The following UNC5D variants were observed in gnomAD, a reference collection of about 807,000 sequenced individuals.
The protein encoded by UNC5D is netrin receptor UNC5D.
UNC5D carries 39 observed loss-of-function variants against 105.4 expected under a neutral mutation model. That is an observed-to-expected ratio of 0.37 (90% CI 0.29 to 0.48). UNC5D has a LOEUF of 0.48. Among genes scored for constraint, UNC5D ranks in the 20% least tolerant of loss-of-function variants. The probability of loss-of-function intolerance (pLI) is 0.98; values close to 1 mark genes in which losing one functional copy is unlikely to be tolerated. For synonymous variants in UNC5D, 452 were observed against 450.4 expected (o/e 1.00, Z -0.04); for missense variants, 991 against 1,202.4 (o/e 0.82, Z 2.60).
At chr8:35,790,283 C>A (rs563358665) in intron 16 of UNC5D, 76 bp from the exon 17 acceptor site, 40 of 1,462,032 alleles carry the variant, frequency 2.7e-5, no homozygotes, top group East Asian at 2.5e-4. Context: ...ATTTTTAATT[C>A]TCTTATGGTG....
At chr8:35,238,296 A>T (rs1563240576) in intron 1 of UNC5D, among the ~76,000 whole-genome samples, 1 of 152,032 alleles carries the variant, frequency 6.6e-6, no homozygotes, top group Non-Finnish European at 1.5e-5. Flanking sequence ...AATCAGAGGG[A>T]GATTTCAAAT....
chr8:35,419,344 G>T (rs1528720), intron 1 of UNC5D, among the ~76,000 whole-genome samples: 64,684 of 151,926 alleles, frequency 0.43, 13,906 homozygotes, highest in East Asian at 0.53. Context: ...TTCCCACTTG[G>T]CCAAGCAGGC....
In UNC5D at chr8:35,529,429, C is replaced by G. The variant is rs1297610823; in HGVS notation, c.104-19863C>G. 5.5e-3 allele frequency among the ~76,000 whole-genome samples: 817 copies of G among 149,818 alleles called. 8 individuals carry two copies. Among genetic ancestry groups the G allele is most frequent in the African/African-American group, 0.02 (785 of 39,930 alleles). On this transcript the variant is annotated intron_variant, in intron 1 of 16. Transcript: ENST00000404895. ...CTATATCTCTGTTTTGGTACCAGTA[C>G]TATGCTGTTTTGGTTACTGTAGACT...
intron 14 of UNC5D, among the ~76,000 whole-genome samples, chr8:35,765,227 G>A (rs1018251333): frequency 3.3e-5 from 5 of 152,184 alleles, no homozygotes; most frequent in African/African-American, 9.7e-5. Context: ...GTCAGAATGG[G>A]AATGTGAACT....
chr8:35,625,042 A>G (rs1226035910), intron 4 of UNC5D, among the ~76,000 whole-genome samples: 1 of 152,236 alleles, frequency 6.6e-6, no homozygotes, highest in Non-Finnish European at 1.5e-5. Flanking sequence ...CCAGTGGTCT[A>G]TGAACTTCAG....
intron 1 of UNC5D, among the ~76,000 whole-genome samples, chr8:35,341,071 T>C (rs564756956): frequency 1.3e-5 from 2 of 152,260 alleles, no homozygotes; most frequent in Admixed American, 6.5e-5. Context: ...CTATGATATT[T>C]ACCTGCTCCA....
At chr8:35,380,163 G>A (rs1295132333) in intron 1 of UNC5D, among the ~76,000 whole-genome samples, 1 of 147,456 alleles carries the variant, frequency 6.8e-6, no homozygotes, top group Non-Finnish European at 1.5e-5. Flanking sequence ...GAGAGGGAGA[G>A]ACAGAGACCA....
intron 1 of UNC5D, among the ~76,000 whole-genome samples, chr8:35,416,637 T>C (rs1244510362): frequency 1.3e-5 from 2 of 152,188 alleles, no homozygotes; most frequent in Non-Finnish European, 2.9e-5. Flanking sequence ...AGTGTTTGAC[T>C]TTGTGATATT....
chr8:35,565,035 T>C (rs1223280537), intron 2 of UNC5D, among the ~76,000 whole-genome samples: 1 of 152,174 alleles, frequency 6.6e-6, no homozygotes, highest in African/African-American at 2.4e-5. Context: ...CAATTATGAA[T>C]TGTAGTACAA....
At chr8:35,296,133 A>C (rs1463877071) in intron 1 of UNC5D, among the ~76,000 whole-genome samples, 3 of 152,226 alleles carry the variant, frequency 2.0e-5, no homozygotes. Context: ...ATGGAAGTAC[A>C]GATACCTCTT....
At chr8:35,495,917 T>G (rs1811555789) in intron 1 of UNC5D, among the ~76,000 whole-genome samples, 1 of 152,178 alleles carries the variant, frequency 6.6e-6, no homozygotes, top group Non-Finnish European at 1.5e-5. Flanking sequence ...AAAGATACAA[T>G]GCTGAAAAAA....
intron 1 of UNC5D, among the ~76,000 whole-genome samples, chr8:35,319,837 G>A (rs1024385351): frequency 2.6e-5 from 4 of 151,768 alleles, no homozygotes; most frequent in Admixed American, 2.6e-4. Context: ...ATTTGAGAAT[G>A]TGAGCCCCTT....
Position 35,725,989 on chromosome 8 carries a change from C to G in UNC5D, c.1304-163C>G, listed in dbSNP as rs941983073. ...AGCCAGGGCTCTTGATTCAAAAGTT[C>G]TAGTCACTAGCACCCAACCTGGCAG... On this transcript the variant is annotated intron_variant, in intron 9 of 16. Coordinates refer to ENST00000404895, the MANE Select transcript of UNC5D (RefSeq NM_080872.4). 1.6e-4 allele frequency among the ~76,000 whole-genome samples: 24 copies of G among 152,208 alleles called. 1 individual carries two copies. Among genetic ancestry groups the G allele is most frequent in the African/African-American group, 5.5e-4 (23 of 41,452 alleles).
intron 1 of UNC5D, among the ~76,000 whole-genome samples, chr8:35,465,713 G>A (rs1809255514): frequency 6.6e-6 from 1 of 152,158 alleles, no homozygotes; most frequent in African/African-American, 2.4e-5. Context: ...CTGTGAATAT[G>A]TTAGGTTAGA....
intron 7 of UNC5D, among the ~76,000 whole-genome samples, chr8:35,704,658 A>G (rs1185996094): frequency 1.3e-5 from 2 of 152,076 alleles, no homozygotes; most frequent in African/African-American, 4.8e-5. Flanking sequence ...GACTAATGAG[A>G]AGGAGGAAGC....
At chr8:35,646,811 G>T (rs1823082188) in intron 4 of UNC5D, among the ~76,000 whole-genome samples, 1 of 152,022 alleles carries the variant, frequency 6.6e-6, no homozygotes, top group African/African-American at 2.4e-5. Context: ...AATTTTGAAA[G>T]AATTTTAAAA....
At chr8:35,366,022 A>T (rs1216158167) in intron 1 of UNC5D, among the ~76,000 whole-genome samples, 9 of 152,144 alleles carry the variant, frequency 5.9e-5, no homozygotes, top group Admixed American at 5.9e-4. Context: ...AACAAATTAT[A>T]AGACATTTGA....
chr8:35,601,660 A>G (rs1479932373), intron 4 of UNC5D, among the ~76,000 whole-genome samples: 1 of 152,124 alleles, frequency 6.6e-6, no homozygotes, highest in Non-Finnish European at 1.5e-5. Flanking sequence ...GTATCCTGAG[A>G]CTTTGCTGAA....
rs568974093 is a variant in UNC5D at position 35,235,684 on chromosome 8, A to T, written c.-101A>T. 1 of 879,558 alleles carries T rather than the reference A, an allele frequency of 1.1e-6. No homozygotes were observed. Among genetic ancestry groups the T allele is most frequent in the East Asian group, 3.4e-5 (1 of 29,426 alleles). 54.5% of individuals were successfully genotyped at this position (879,558 alleles called of 1,614,324 possible). ...GATCGTGGAGCAGAGTCACTCTCTG[A>T]AGACTCCCGAGACCCATTCGACTCG... is the stretch of plus-strand genomic sequence containing the variant. On this transcript the variant is annotated 5_prime_UTR_variant, in exon 1 of 17. Transcript: ENST00000404895.
Sources: gnomAD v4.1 joint callset for allele counts (sites outside exome capture counted in the v4.1 genomes callset) on GRCh38, gnomAD v4.1.1 for gene constraint, MANE v1.5 for transcripts, NCBI Gene and HGNC (gene_info 2026-07-23, HGNC 2026-07-21) for gene names.